The following RHBDD1 variants were observed in gnomAD, a reference collection of about 807,000 sequenced individuals.
RHBDD1 encodes rhomboid-related protein 4.
A neutral mutation model predicts 36.3 loss-of-function variants in RHBDD1; 38 were observed. The ratio of observed to expected loss-of-function variants is 1.05; its 90% confidence interval spans 0.81 to 1.37. The LOEUF (loss-of-function observed/expected upper bound fraction) is 1.37. Among genes scored for constraint, RHBDD1 ranks in the 40% most tolerant of loss-of-function variants. The pLI, the probability that RHBDD1 is intolerant of heterozygous loss-of-function variation, is 0.00. For synonymous variants in RHBDD1, 151 were observed against 136.5 expected (o/e 1.11, Z -0.74); for missense variants, 393 against 377.6 (o/e 1.04, Z -0.34).
At chr2:226,963,901 C>G (rs896448071) in intron 8 of RHBDD1, among the ~76,000 whole-genome samples, 8 of 152,168 alleles carry the variant, frequency 5.3e-5, no homozygotes, top group African/African-American at 1.9e-4. Flanking sequence ...CTCACCACCC[C>G]CTACTTAACT....
intron 8 of RHBDD1, among the ~76,000 whole-genome samples, chr2:226,929,217 A>T (rs1949857852): frequency 6.6e-6 from 1 of 152,122 alleles, no homozygotes; most frequent in South Asian, 2.1e-4. Context: ...ATACAGACAA[A>T]TATCTCTGAT....
chr2:226,978,105 A>AACAGGTC (rs1373176469), intron 8 of RHBDD1, among the ~76,000 whole-genome samples: 1 of 152,208 alleles, frequency 6.6e-6, no homozygotes, highest in Non-Finnish European at 1.5e-5. Flanking sequence ...ATTATCTGAA[A>AACAGGTC]ACAGGTCTAG....
intron 8 of RHBDD1, among the ~76,000 whole-genome samples, chr2:226,993,974 A>C (rs1429156326): frequency 6.6e-6 from 1 of 152,188 alleles, no homozygotes; most frequent in African/African-American, 2.4e-5. Flanking sequence ...TCCTGGCTTA[A>C]CTGTGCTTTG....
chr2:226,849,791 A>G (rs1942626424), intron 3 of RHBDD1, among the ~76,000 whole-genome samples: 1 of 152,194 alleles, frequency 6.6e-6, no homozygotes, highest in African/African-American at 2.4e-5. Flanking sequence ...CTATATCTAT[A>G]TCTATTCCAG....
chr2:226,955,170 TTGA>T (rs1453803322), intron 8 of RHBDD1, among the ~76,000 whole-genome samples: 2 of 152,122 alleles, frequency 1.3e-5, no homozygotes, highest in African/African-American at 4.8e-5. Flanking sequence ...GCCTAACATC[TTGA>T]TGATATCGTC....
intron 8 of RHBDD1, among the ~76,000 whole-genome samples, chr2:226,955,147 C>T (rs1395150414): frequency 6.6e-6 from 1 of 152,004 alleles, no homozygotes; most frequent in Non-Finnish European, 1.5e-5. Flanking sequence ...TTTTGGATGC[C>T]CTGCCTGGCT....
At chr2:226,973,481 C>G (rs1156755764) in intron 8 of RHBDD1, among the ~76,000 whole-genome samples, 1 of 152,186 alleles carries the variant, frequency 6.6e-6, no homozygotes, top group African/African-American at 2.4e-5. Flanking sequence ...CCCAACTGCC[C>G]CCATTCTAAG....
At chr2:226,988,238 T>A (rs1957426786) in intron 8 of RHBDD1, 9 of 1,130,222 alleles carry the variant, frequency 8.0e-6, no homozygotes, top group Non-Finnish European at 1.1e-5. Context: ...AGCAAGAGGT[T>A]GGGAGTAGGA....
intron 3 of RHBDD1, among the ~76,000 whole-genome samples, chr2:226,855,542 C>G (rs1943240575): frequency 6.6e-6 from 1 of 152,152 alleles, no homozygotes; most frequent in Non-Finnish European, 1.5e-5. Flanking sequence ...AAATTAAAGT[C>G]AGAAAGATAC....
the RHBDD1 span, among the ~76,000 whole-genome samples, chr2:226,822,334 T>C: frequency 6.9e-6 from 1 of 144,474 alleles, no homozygotes. Flanking sequence ...CTCTTTTGCG[T>C]ACATTAAGAA....
At chr2:226,873,489 C>G (rs1005747595) in intron 5 of RHBDD1, among the ~76,000 whole-genome samples, 1 of 152,176 alleles carries the variant, frequency 6.6e-6, no homozygotes. Context: ...GGACCCCTCC[C>G]AGAGCTCTGA....
At chr2:226,814,980 T>C in the RHBDD1 span, among the ~76,000 whole-genome samples, 1 of 152,166 alleles carries the variant, frequency 6.6e-6, no homozygotes, top group Non-Finnish European at 1.5e-5. Context: ...TATGGGCACC[T>C]TGACCTACTG....
Position 226,998,212 on chromosome 2 carries a change from TG to T in RHBDD1, c.*2691del, listed in dbSNP as rs1162592788. On this transcript the variant is annotated 3_prime_UTR_variant, in exon 9 of 9. Transcript: ENST00000392062. The stretch of plus-strand genomic sequence containing the variant: ...TTCCTCTTAATGACTCTGAATGTAT[TG>T]CCTGTGATTCCAAAGTTGTACATAA... 1 of 152,194 alleles carries T rather than the reference TG, an allele frequency of 6.6e-6. No individual in the cohort carries two copies. The highest frequency in any genetic ancestry group is 1.5e-5 in the Non-Finnish European group (1 of 68,044). 9.4% of individuals were successfully genotyped at this position (152,194 alleles called of 1,614,324 possible).
At chr2:226,950,857 G>GT (rs1382521839) in intron 8 of RHBDD1, among the ~76,000 whole-genome samples, 1 of 152,078 alleles carries the variant, frequency 6.6e-6, no homozygotes, top group African/African-American at 2.4e-5. Context: ...AGTTTCTTAT[G>GT]TTTTTTATAC....
chr2:226,856,950 C>T (rs911132630), intron 3 of RHBDD1, among the ~76,000 whole-genome samples: 11 of 152,124 alleles, frequency 7.2e-5, no homozygotes, highest in African/African-American at 2.4e-4. Context: ...TTCTCTTTCC[C>T]TTCCAACATG....
At chr2:226,855,225 A>G (rs1475341665) in intron 3 of RHBDD1, among the ~76,000 whole-genome samples, 2 of 152,212 alleles carry the variant, frequency 1.3e-5, no homozygotes, top group African/African-American at 4.8e-5. Flanking sequence ...TCTAGGTTTG[A>G]GCTTGGGTAT....
At chr2:226,839,894 G>C (rs1941420601) in intron 3 of RHBDD1, among the ~76,000 whole-genome samples, 1 of 152,118 alleles carries the variant, frequency 6.6e-6, no homozygotes, top group South Asian at 2.1e-4. Flanking sequence ...AATGACTCGG[G>C]GAAAAAGAAA....
At chr2:226,991,374 G>C (rs1025873515) in intron 8 of RHBDD1, among the ~76,000 whole-genome samples, 2 of 152,136 alleles carry the variant, frequency 1.3e-5, no homozygotes, top group Admixed American at 1.3e-4. Context: ...TAGAGTCGGG[G>C]TTTCACCACG....
At chr2:226,893,967 G>A (rs1225992799) in intron 5 of RHBDD1, among the ~76,000 whole-genome samples, 1 of 152,052 alleles carries the variant, frequency 6.6e-6, no homozygotes, top group Non-Finnish European at 1.5e-5. Context: ...GTTTTTGGGG[G>A]GACATGGATT....
Sources: gnomAD v4.1 joint callset for allele counts (sites outside exome capture counted in the v4.1 genomes callset) on GRCh38, gnomAD v4.1.1 for gene constraint, MANE v1.5 for transcripts, NCBI Gene and HGNC (gene_info 2026-07-23, HGNC 2026-07-21) for gene names.